The following SRPK2 variants were observed in gnomAD, a reference collection of about 807,000 sequenced individuals.
SRPK2 encodes the protein SFRS protein kinase 2.
In SRPK2, 21 loss-of-function variants were observed where a neutral mutation model predicts 90.8. The ratio of observed to expected loss-of-function variants is 0.23; its 90% CI spans 0.16 to 0.33. The LOEUF (loss-of-function observed/expected upper bound fraction) is 0.33. Among genes scored for constraint, SRPK2 ranks in the 10% least tolerant of loss-of-function variants. The probability of loss-of-function intolerance (pLI) is 1.00; values close to 1 mark genes in which losing one functional copy is unlikely to be tolerated. For missense variants in SRPK2, 620 were observed against 869.0 expected, an observed-to-expected ratio of 0.71 and a Z score of 3.60; for synonymous variants, 288 against 311.1, an observed-to-expected ratio of 0.93 and a Z score of 0.78.
At chr7:105,179,892 T>C (rs1013644399) in intron 3 of SRPK2, among the ~76,000 whole-genome samples, 1 of 144,124 alleles carries the variant, frequency 6.9e-6, no homozygotes, top group Non-Finnish European at 1.5e-5. Context: ...AAGTGAAAGA[T>C]CTCTACAATA....
chr7:105,197,859 CA>C (rs139835951), intron 3 of SRPK2, among the ~76,000 whole-genome samples: 220 of 152,310 alleles, frequency 1.4e-3, no homozygotes, highest in Non-Finnish European at 2.6e-3. Flanking sequence ...GAAAACTGTA[CA>C]AAGGTGCCAA....
At chr7:105,181,125 C>A (rs184314983) in intron 3 of SRPK2, among the ~76,000 whole-genome samples, 48 of 152,234 alleles carry the variant, frequency 3.2e-4, no homozygotes, top group Non-Finnish European at 5.3e-4. Flanking sequence ...ACCTGCTCAA[C>A]ATCACTAATC....
chr7:105,342,377 T>C (rs1003992464), intron 2 of SRPK2, among the ~76,000 whole-genome samples: 9 of 150,880 alleles, frequency 6.0e-5, no homozygotes, highest in Non-Finnish European at 1.3e-4. Flanking sequence ...AATAAAAATA[T>C]AAATGGGAAA....
At chr7:105,273,751 C>T (rs921022435) in intron 2 of SRPK2, among the ~76,000 whole-genome samples, 10 of 152,308 alleles carry the variant, frequency 6.6e-5, no homozygotes, top group East Asian at 5.8e-4. Flanking sequence ...GCTTCCCTAA[C>T]GACAGGCACC....
chr7:105,318,716 A>G (rs1812580421), intron 2 of SRPK2, among the ~76,000 whole-genome samples: 1 of 152,186 alleles, frequency 6.6e-6, no homozygotes, highest in Non-Finnish European at 1.5e-5. Context: ...CACGCTTCTC[A>G]CCATCCCCTT....
At chr7:105,373,854 C>A (rs1819986703) in intron 2 of SRPK2, among the ~76,000 whole-genome samples, 1 of 152,160 alleles carries the variant, frequency 6.6e-6, no homozygotes, top group South Asian at 2.1e-4. Flanking sequence ...TACCATACTT[C>A]CTTTTCGGTT....
intron 3 of SRPK2, among the ~76,000 whole-genome samples, chr7:105,194,513 C>T (rs750736248): frequency 3.9e-5 from 6 of 152,104 alleles, no homozygotes; most frequent in Non-Finnish European, 8.8e-5. Flanking sequence ...TAGTTACAGG[C>T]CACGTGGTTG....
intron 15 of SRPK2, among the ~76,000 whole-genome samples, chr7:105,123,687 T>C (rs948640801): frequency 5.3e-5 from 8 of 152,134 alleles, no homozygotes; most frequent in African/African-American, 1.9e-4. Flanking sequence ...GAAATCTATT[T>C]CCATGACCGG....
At chr7:105,159,506 G>T (rs145537563) in intron 7 of SRPK2, among the ~76,000 whole-genome samples, 1 of 136,140 alleles carries the variant, frequency 7.3e-6, no homozygotes, top group African/African-American at 2.7e-5. Flanking sequence ...GAACACACAG[G>T]CAGGCTAAAC....
rs191299945 is a variant in SRPK2 at position 105,124,146 on chromosome 7, A to G, written c.1915+2102T>C. The stretch of plus-strand genomic sequence containing the variant: ...ACGCAGGCCGCTCTCACTGAAAGGA[A>G]CCATCACAGGAGTGACAGCCCAAGA... On this transcript the variant is annotated intron_variant, in intron 15 of 15. Coordinates refer to ENST00000393651, the MANE Select transcript of SRPK2 (RefSeq NM_182692.3). Among the ~76,000 whole-genome samples, 129 of 152,276 alleles carry G rather than the reference A, an allele frequency of 8.5e-4. 1 individual carries two copies. Among genetic ancestry groups the G allele is most frequent in the Non-Finnish European group, 1.5e-3 (99 of 68,014 alleles).
intron 2 of SRPK2, among the ~76,000 whole-genome samples, chr7:105,287,279 A>G (rs1402875208): frequency 8.0e-5 from 11 of 138,164 alleles, no homozygotes; most frequent in East Asian, 2.0e-4. Context: ...AAAAAAAAAA[A>G]AAAAAGAAGA....
chr7:105,208,528 G>T (rs1796474640), intron 2 of SRPK2, among the ~76,000 whole-genome samples: 2 of 152,174 alleles, frequency 1.3e-5, no homozygotes. Flanking sequence ...ACAGATGCCA[G>T]TCAGAAAAGA....
chr7:105,334,327 C>T (rs1394373870), intron 2 of SRPK2, among the ~76,000 whole-genome samples: 7 of 152,200 alleles, frequency 4.6e-5, no homozygotes, highest in African/African-American at 1.7e-4. Flanking sequence ...ATCCACCCAC[C>T]TTGGCCTCCC....
rs147293006 is a variant in SRPK2 at position 105,277,380 on chromosome 7, T to A, written c.72-73595A>T. Reference sequence around the variant, plus strand: ...CGTGAGCCACTGCGCCCGGCCCAACTTGGTATTTTTAAGAGACTTCTCGCT... The same window carrying A: ...CGTGAGCCACTGCGCCCGGCCCAACATGGTATTTTTAAGAGACTTCTCGCT... On this transcript the variant is annotated intron_variant, in intron 2 of 15. Transcript: ENST00000393651. Among the ~76,000 whole-genome samples, 432 of 152,242 alleles carry A rather than the reference T, an allele frequency of 2.8e-3. 11 individuals are homozygous for A. In the East Asian group the frequency reaches 0.055, roughly 19 times the overall value.
chr7:105,134,109 T>G (rs977806487), intron 11 of SRPK2, among the ~76,000 whole-genome samples: 1 of 152,116 alleles, frequency 6.6e-6, no homozygotes, highest in Non-Finnish European at 1.5e-5. Context: ...AATTTTGAAA[T>G]GGTATTTAAA....
chr7:105,201,248 T>C (rs2129609462), intron 3 of SRPK2, among the ~76,000 whole-genome samples: 2 of 152,320 alleles, frequency 1.3e-5, no homozygotes, highest in East Asian at 3.9e-4. Context: ...GTAGGGCATC[T>C]GTCACATGTA....
chr7:105,325,525 C>A, intron 2 of SRPK2, among the ~76,000 whole-genome samples: 1 of 125,412 alleles, frequency 8.0e-6, no homozygotes, highest in Non-Finnish European at 1.7e-5. Flanking sequence ...TATTTAATGG[C>A]ATCATTTTCC....
At position 105,179,677 on chromosome 7, in the gene SRPK2, T is replaced by A. The variant is rs536688791; in HGVS notation, c.230-10412A>T. Among the ~76,000 whole-genome samples the A allele has an allele frequency of 6.6e-5, 10 of 151,794 alleles. No individual in the cohort carries two copies. The South Asian group carries it at 2.1e-3, about 32-fold the overall frequency. ...GCATCTCCACTAAAAATACAAAGAT[T>A]AGCCGGGTGTGGTGGCGCATGCCTT... On this transcript the variant is annotated intron_variant, in intron 3 of 15. Coordinates refer to ENST00000393651, the MANE Select transcript of SRPK2 (RefSeq NM_182692.3).
chr7:105,344,523 C>T (rs1163155855), intron 2 of SRPK2, among the ~76,000 whole-genome samples: 1 of 149,288 alleles, frequency 6.7e-6, no homozygotes, highest in Non-Finnish European at 1.5e-5. Flanking sequence ...CAAAGAGTAC[C>T]TGGGCTATGC....
Sources: gnomAD v4.1 joint callset for allele counts (sites outside exome capture counted in the v4.1 genomes callset) on GRCh38, gnomAD v4.1.1 for gene constraint, MANE v1.5 for transcripts, NCBI Gene and HGNC (gene_info 2026-07-23, HGNC 2026-07-21) for gene names.